Variants in RBFOX1 observed in about 807,000 individuals in gnomAD.
RBFOX1 encodes RNA binding protein fox-1 homolog 1.
Under a neutral mutation model 57.7 loss-of-function variants are expected in RBFOX1, and 8 were observed. That is an observed-to-expected ratio of 0.14 (90% CI 0.08 to 0.25). The LOEUF (loss-of-function observed/expected upper bound fraction) is 0.25, where lower values mean the gene tolerates loss of function less well. Ranked by LOEUF, RBFOX1 falls within the 10% of genes least tolerant of loss-of-function variation. RBFOX1 has a pLI of 1.00. For synonymous variants in RBFOX1, 326 were observed against 222.4 expected, an observed-to-expected ratio of 1.47 and a Z score of -4.15; for missense variants, 611 against 548.5, an observed-to-expected ratio of 1.11 and a Z score of -1.14.
intron 10 of RBFOX1, among the ~76,000 whole-genome samples, chr16:7,626,137 G>A (rs2060032069): frequency 1.3e-5 from 2 of 152,240 alleles, no homozygotes; most frequent in African/African-American, 2.4e-5. Flanking sequence ...CAAAGCCTCT[G>A]CAAAGGCATG....
intron 1 of RBFOX1, among the ~76,000 whole-genome samples, chr16:6,061,849 T>C (rs1215180248): frequency 1.3e-5 from 2 of 152,096 alleles, no homozygotes; most frequent in African/African-American, 4.8e-5. Context: ...TCAGTGCCAT[T>C]CTGACATTAT....
intron 4 of RBFOX1, among the ~76,000 whole-genome samples, chr16:5,997,240 G>A (rs1371865286): frequency 6.6e-6 from 1 of 152,218 alleles, no homozygotes; most frequent in Non-Finnish European, 1.5e-5. Flanking sequence ...CCTGCCTGGG[G>A]CACAGAACAG....
chr16:6,808,468 C>G (rs1043361180), intron 3 of RBFOX1, among the ~76,000 whole-genome samples: 7 of 151,960 alleles, frequency 4.6e-5, no homozygotes, highest in Non-Finnish European at 8.8e-5. Flanking sequence ...CCCTTGCTTC[C>G]CCAGTGAATA....
intron 3 of RBFOX1, among the ~76,000 whole-genome samples, chr16:7,033,741 C>A (rs1221646433): frequency 1.3e-5 from 2 of 152,136 alleles, no homozygotes; most frequent in Non-Finnish European, 2.9e-5. Flanking sequence ...TGCCTGTAAT[C>A]CCAGCACTTT....
chr16:6,797,798 G>A (rs2084432090), intron 3 of RBFOX1, among the ~76,000 whole-genome samples: 1 of 152,136 alleles, frequency 6.6e-6, no homozygotes, highest in South Asian at 2.1e-4. Context: ...CATTTGGTAA[G>A]AAGTAACACA....
At chr16:7,416,373 T>C (rs1167399145) in intron 4 of RBFOX1, among the ~76,000 whole-genome samples, 1 of 152,212 alleles carries the variant, frequency 6.6e-6, no homozygotes, top group Non-Finnish European at 1.5e-5. Context: ...TAGAGGTTTT[T>C]ATTCCCTGTA....
chr16:6,679,467 G>C (rs956954261), intron 3 of RBFOX1, among the ~76,000 whole-genome samples: 2 of 151,996 alleles, frequency 1.3e-5, no homozygotes, highest in African/African-American at 4.8e-5. Flanking sequence ...TCCTTTCTTT[G>C]ACCTGGGAAG....
At chr16:7,510,871 T>C (rs1277861357) in intron 4 of RBFOX1, among the ~76,000 whole-genome samples, 2 of 152,190 alleles carry the variant, frequency 1.3e-5, no homozygotes, top group Non-Finnish European at 2.9e-5. Context: ...GCATATGTGA[T>C]CAGCTGGCTT....
At chr16:5,751,271 T>C (rs1321926292) in intron 3 of RBFOX1, among the ~76,000 whole-genome samples, 1 of 152,194 alleles carries the variant, frequency 6.6e-6, no homozygotes, top group East Asian at 1.9e-4. Flanking sequence ...AGCTCTAAAC[T>C]TCACTGATTC....
At chr16:6,140,488 G>A (rs751974918) in intron 1 of RBFOX1, among the ~76,000 whole-genome samples, 2 of 152,144 alleles carry the variant, frequency 1.3e-5, no homozygotes, top group Non-Finnish European at 2.9e-5. Flanking sequence ...GAGCCCCTGT[G>A]CCCAGCCAGA....
intron 1 of RBFOX1, among the ~76,000 whole-genome samples, chr16:6,088,093 T>C (rs950874712): frequency 6.6e-6 from 1 of 152,142 alleles, no homozygotes; most frequent in African/African-American, 2.4e-5. Flanking sequence ...AGAGAAGAGG[T>C]TCACCGTCTC....
intron 2 of RBFOX1, among the ~76,000 whole-genome samples, chr16:6,437,960 T>C (rs1460772464): frequency 2.0e-5 from 3 of 152,128 alleles, no homozygotes; most frequent in African/African-American, 4.8e-5. Flanking sequence ...CCAATGAGGC[T>C]CTTCTGATGG....
chr16:6,319,433 G>A (rs1001634777), intron 2 of RBFOX1, among the ~76,000 whole-genome samples: 1 of 152,086 alleles, frequency 6.6e-6, no homozygotes, highest in African/African-American at 2.4e-5. Context: ...AGTACTTGTT[G>A]GATATAATGA....
intron 1 of RBFOX1, among the ~76,000 whole-genome samples, chr16:6,131,381 G>C (rs138087758): frequency 5.6e-4 from 85 of 152,298 alleles, no homozygotes; most frequent in African/African-American, 2.0e-3. Context: ...GGTAACAGTT[G>C]AGTAGTGGAG....
chr16:6,982,941 A>G (rs1357973268), intron 3 of RBFOX1, among the ~76,000 whole-genome samples: 10 of 148,980 alleles, frequency 6.7e-5, no homozygotes, highest in Admixed American at 2.0e-4. Flanking sequence ...TTGCAGTGAG[A>G]TAACATCATG....
intron 1 of RBFOX1, among the ~76,000 whole-genome samples, chr16:6,022,413 G>T (rs2095100195): frequency 6.6e-6 from 1 of 152,128 alleles, no homozygotes. Flanking sequence ...AGGTGCAGTG[G>T]CTCATGCCTG....
At chr16:7,150,638 G>A (rs1444935782) in intron 4 of RBFOX1, among the ~76,000 whole-genome samples, 1 of 152,162 alleles carries the variant, frequency 6.6e-6, no homozygotes, top group Non-Finnish European at 1.5e-5. Context: ...CTTTACGACT[G>A]CTGTCTCCTC....
In RBFOX1 at chr16:6,107,204, G is replaced by T. The variant is rs189796832; in HGVS notation, c.-127+87212G>T. ...ATTGGTTTCTTCTGGGTCCCCATCTGTGGCCTCTTTGCTTATCATGGCCTG... is the reference window on the plus strand; with the variant it reads ...ATTGGTTTCTTCTGGGTCCCCATCTTTGGCCTCTTTGCTTATCATGGCCTG... On this transcript the variant is annotated intron_variant, in intron 1 of 15. Coordinates refer to ENST00000550418, the MANE Select transcript of RBFOX1 (RefSeq NM_018723.4). Among the ~76,000 whole-genome samples, 20 of 152,142 alleles carry T rather than the reference G, an allele frequency of 1.3e-4. No individual in the cohort carries two copies. In the East Asian group the frequency reaches 3.1e-3, roughly 24 times the overall value.
At chr16:7,119,925 A>G (rs1156349167) in intron 4 of RBFOX1, among the ~76,000 whole-genome samples, 1 of 152,152 alleles carries the variant, frequency 6.6e-6, no homozygotes, top group East Asian at 1.9e-4. Flanking sequence ...CACATGAGAT[A>G]TTTACCAAGA....
Sources: gnomAD v4.1 joint callset for allele counts (sites outside exome capture counted in the v4.1 genomes callset) on GRCh38, gnomAD v4.1.1 for gene constraint, MANE v1.5 for transcripts, NCBI Gene and HGNC (gene_info 2026-07-23, HGNC 2026-07-21) for gene names.